Variants in NCAPD2 observed in about 807,000 individuals in gnomAD.
NCAPD2 encodes non-SMC condensin I complex subunit D2.
A neutral mutation model predicts 164.5 loss-of-function variants in NCAPD2; 100 were observed. The ratio of observed to expected loss-of-function variants is 0.61; its 90% CI spans 0.52 to 0.72. The LOEUF is 0.72. Ranked by LOEUF, NCAPD2 falls within the 30% of genes least tolerant of loss-of-function variation. The pLI is 0.00. For missense variants in NCAPD2, 1,560 were observed against 1,749.2 expected, an observed-to-expected ratio of 0.89 and a Z score of 1.93; for synonymous variants, 585 against 642.6, an observed-to-expected ratio of 0.91 and a Z score of 1.36.
chr12:6,506,698 A>G (rs1481653131), intron 2 of NCAPD2, among the ~76,000 whole-genome samples: 2 of 152,170 alleles, frequency 1.3e-5, no homozygotes. Context: ...AAAAAAAATT[A>G]GCCAGATATG....
In NCAPD2 at chr12:6,514,389, C is replaced by T; in HGVS notation, c.712C>T (p.Leu238Phe). 2.5e-6 allele frequency: 4 copies of T among 1,614,180 alleles called. No homozygotes were observed. The South Asian group carries it at 3.3e-5, about 13-fold the overall frequency. Residue 238 changes from leucine to phenylalanine, a missense_variant, in exon 7 of 32, where the codon CTC becomes TTC. By Grantham distance (22) the Leu-to-Phe change is conservative (BLOSUM62 0). Coordinates refer to ENST00000315579, the MANE Select transcript of NCAPD2 (RefSeq NM_014865.4). Reference protein sequence around the residue: ...GVALTRYNHMLSATVKIIQML... With the variant: ...GVALTRYNHMFSATVKIIQML... ...AGCCTTGACCCGTTATAACCATATG[C>T]TCAGTAAGTTACCAGTCGCTTTGCC...
intron 2 of NCAPD2, among the ~76,000 whole-genome samples, chr12:6,507,353 G>A (rs1349198786): frequency 6.6e-6 from 1 of 152,210 alleles, no homozygotes; most frequent in Admixed American, 6.5e-5. Flanking sequence ...AGTACTTTGG[G>A]AGTGTTGGGA....
Position 6,528,469 on chromosome 12 carries a change from C to G in NCAPD2, c.3299+141C>G. The G allele has an allele frequency of 7.8e-7, 1 of 1,273,928 alleles. No individual in the cohort carries two copies. The highest frequency in any genetic ancestry group is 1.1e-6 in the Non-Finnish European group (1 of 912,292). The allele number at this position is 1,273,928 out of a possible 1,614,324, so 78.9% of individuals were successfully genotyped here. On this transcript the variant is annotated intron_variant, in intron 25 of 31. Coordinates refer to ENST00000315579, the MANE Select transcript of NCAPD2 (RefSeq NM_014865.4). The surrounding 1 kb of genome is among the most constrained non-coding windows in gnomAD (Gnocchi z 5.1). ...GCTTGATACTTGACCTGTACAGGCC[C>G]CTGGCTAAGAGTCACCCCAGTGGGA... is the stretch of plus-strand genomic sequence containing the variant.
rs376577408 is a variant in NCAPD2, at chr12:6,528,314, T to G, written c.3285T>G (p.Pro1095=). ...CCAATCTGGTGGACCCCTGGACTCC[T>G]CATCTGTATGCTCGGTAAGAGACCC... ...RFPNLVDPWT[P]HLYARLRDPA... The change falls in exon 25 of 32, where the codon CCT becomes CCG. Residue 1095 remains proline (P), a synonymous_variant. Transcript: ENST00000315579. This position sits in a 1 kb window ranked among gnomAD's most constrained non-coding sequence, Gnocchi z 5.1. 4 of 1,613,754 alleles carry G rather than the reference T, an allele frequency of 2.5e-6. No homozygotes were observed. The highest frequency in any genetic ancestry group is 3.4e-6 in the Non-Finnish European group (4 of 1,180,022).
At chr12:6,497,260 C>T (rs1223897641) in intron 2 of NCAPD2, among the ~76,000 whole-genome samples, 1 of 151,516 alleles carries the variant, frequency 6.6e-6, no homozygotes, top group East Asian at 2.0e-4. Context: ...AACTACTCTT[C>T]ACTTATTATA....
intron 13 of NCAPD2, among the ~76,000 whole-genome samples, chr12:6,518,515 T>G (rs936287804): frequency 1.1e-4 from 12 of 109,246 alleles, no homozygotes; most frequent in African/African-American, 2.7e-4. Flanking sequence ...TTTTTTTTTT[T>G]TTTTTTTTTT....
intron 22 of NCAPD2, 77 bp from the exon 23 acceptor site, chr12:6,527,700 C>A: frequency 7.4e-7 from 1 of 1,346,856 alleles, no homozygotes; most frequent in South Asian, 1.3e-5. Flanking sequence ...TCACTTTGTT[C>A]ATGCAAAACA....
rs1946337367 is a variant in NCAPD2 at position 6,528,373 on chromosome 12, G to T, written c.3299+45G>T. 3.7e-6 allele frequency: 6 copies of T among 1,609,570 alleles called. No homozygotes were observed. The East Asian group carries it at 1.1e-4, about 30-fold the overall frequency. On this transcript the variant is annotated intron_variant, in intron 25 of 31. Transcript: ENST00000315579. The surrounding 1 kb of genome is among the most constrained non-coding windows in gnomAD (Gnocchi z 5.1). ...GTGGTGGCAGTTCCCAGGAGCCCCG[G>T]AGTCTGTTGAGAGTCAGTGTGAGAA...
At chr12:6,522,093 A>AT (rs1481909434) in intron 15 of NCAPD2, 56 bp downstream of exon 15, 1 of 1,553,984 alleles carries the variant, frequency 6.4e-7, no homozygotes, top group East Asian at 2.3e-5. Context: ...GGATTTTTTA[A>AT]TTTTTTAAAT....
In NCAPD2 at chr12:6,528,017, C is replaced by T. The variant is rs1191575205; in HGVS notation, c.3069C>T (p.Asn1023=). 1 of 1,614,260 alleles carries T rather than the reference C, an allele frequency of 6.2e-7. No homozygotes were observed. Among genetic ancestry groups the T allele is most frequent in the Admixed American group, 1.7e-5 (1 of 60,032 alleles). ...TTCCACTCTTGCTTAAAGTCTGTAA[C>T]AACCCAGGCCTCTATAGCAACCCAG... ...AFVPLLLKVC[N]NPGLYSNPDL... Residue 1023 remains asparagine, a synonymous_variant, in exon 24 of 32, where the codon AAC becomes AAT. Transcript: ENST00000315579. The surrounding 1 kb of genome is among the most constrained non-coding windows in gnomAD (Gnocchi z 5.1).
chr12:6,494,672 T>C (rs1269177700), intron 1 of NCAPD2, among the ~76,000 whole-genome samples: 2 of 152,226 alleles, frequency 1.3e-5, no homozygotes, highest in Non-Finnish European at 2.9e-5. Context: ...ATAATAGTAC[T>C]TTGCACATTA....
intron 13 of NCAPD2, among the ~76,000 whole-genome samples, chr12:6,518,519 T>TTTTTTTTG (rs1565544190): frequency 4.3e-5 from 5 of 116,100 alleles, no homozygotes; most frequent in African/African-American, 1.8e-4. Flanking sequence ...TTTTTTTTTT[T>TTTTTTTTG]TTTTTTTTTT....
At chr12:6,504,214 T>TATATATATATATACAC (rs1565539606) in intron 2 of NCAPD2, among the ~76,000 whole-genome samples, 7 of 21,150 alleles carry the variant, frequency 3.3e-4, no homozygotes, top group Non-Finnish European at 3.1e-4. Context: ...TATATATATA[T>TATATATATATATACAC]ATAGATATAG....
At chr12:6,526,239 T>C in intron 19 of NCAPD2, 39 bp downstream of exon 19, 1 of 1,613,944 alleles carries the variant, frequency 6.2e-7, no homozygotes, top group Non-Finnish European at 8.5e-7. Flanking sequence ...GAGTGGAGAT[T>C]CTCGTGTCCA....
In NCAPD2 at chr12:6,523,155, C is replaced by T. The variant is rs1946280837; in HGVS notation, c.2130-107C>T. On this transcript the variant is annotated intron_variant, in intron 16 of 31. Coordinates refer to ENST00000315579, the MANE Select transcript of NCAPD2 (RefSeq NM_014865.4). ...TGGGGCTTAGGGTGGGGCTCGGTTT[C>T]CAGGGAGAGCAGTTTTGTAGCACTG... The T allele has an allele frequency of 2.8e-6, 4 of 1,452,058 alleles. No individual in the cohort carries two copies. In the South Asian group the frequency reaches 4.7e-5, roughly 17 times the overall value. The allele number at this position is 1,452,058 out of a possible 1,614,324, so 89.9% of individuals were successfully genotyped here.
At chr12:6,504,216 T>TACACATATATATACATACAC (rs1406807438) in intron 2 of NCAPD2, among the ~76,000 whole-genome samples, 1 of 23,222 alleles carries the variant, frequency 4.3e-5, no homozygotes, top group Admixed American at 5.8e-4. Context: ...TATATATATA[T>TACACATATATATACATACAC]AGATATAGAT....
intron 2 of NCAPD2, among the ~76,000 whole-genome samples, chr12:6,502,090 A>G (rs1394481469): frequency 6.6e-6 from 1 of 152,220 alleles, no homozygotes; most frequent in African/African-American, 2.4e-5. Context: ...GGAAAAGCTG[A>G]TGCTGCAGAA....
At position 6,495,144 on chromosome 12, in the gene NCAPD2, G is replaced by A. The variant is rs1177496044; in HGVS notation, c.46G>A (p.Glu16Lys). Residue 16 changes from glutamate to lysine, a missense_variant, in exon 2 of 32, where the codon GAG becomes AAG. Coordinates refer to ENST00000315579, the MANE Select transcript of NCAPD2 (RefSeq NM_014865.4). ...GTTCCATCTGCCATTATCCCCAGAG[G>A]AGTTGTTGAAAAGTGGAGGGGTGAA... Reference protein sequence around the residue: ...YEFHLPLSPEELLKSGGVNQY... With the variant: ...YEFHLPLSPEKLLKSGGVNQY... The A allele has an allele frequency of 1.2e-6, 2 of 1,614,042 alleles. No homozygotes were observed. Among genetic ancestry groups the A allele is most frequent in the African/African-American group, 1.3e-5 (1 of 74,920 alleles).
intron 17 of NCAPD2, among the ~76,000 whole-genome samples, chr12:6,524,979 A>G (rs1294679686): frequency 6.6e-6 from 1 of 152,186 alleles, no homozygotes; most frequent in African/African-American, 2.4e-5. Flanking sequence ...GCACCTGCAA[A>G]CTGGGGTGCA....
Sources: gnomAD v4.1 joint callset for allele counts (sites outside exome capture counted in the v4.1 genomes callset) on GRCh38, gnomAD v4.1.1 for gene constraint, Gnocchi (gnomAD v3.1) non-coding constraint, MANE v1.5 for transcripts, NCBI Gene and HGNC (gene_info 2026-07-23, HGNC 2026-07-21) for gene names.